The following SHROOM2 variants were observed in gnomAD, a reference collection of about 807,000 sequenced individuals.
The protein encoded by SHROOM2 is protein Shroom2.
Under a neutral mutation model 75.9 loss-of-function variants are expected in SHROOM2, and 33 were observed. The ratio of observed to expected loss-of-function variants is 0.43; its 90% CI spans 0.33 to 0.58. The LOEUF (loss-of-function observed/expected upper bound fraction) is 0.58, where lower values mean the gene tolerates loss of function less well. Among genes scored for constraint, SHROOM2 ranks in the 20% least tolerant of loss-of-function variants. The pLI is 0.04. For missense variants in SHROOM2, 1,434 were observed against 1,461.2 expected, an observed-to-expected ratio of 0.98 and a Z score of 0.30; for synonymous variants, 655 against 663.6, an observed-to-expected ratio of 0.99 and a Z score of 0.20.
chrX:9,895,659 C>T lies in SHROOM2; in HGVS notation c.1751C>T (p.Thr584Met), dbSNP rs1288927601. The T allele has an allele frequency of 6.0e-6, 7 of 1,169,221 alleles. No individual in the cohort carries two copies. Among genetic ancestry groups the T allele is most frequent in the African/African-American group, 1.8e-5 (1 of 56,511 alleles). Residue 584 changes from threonine to methionine, a missense_variant, in exon 4 of 10, where the codon ACG becomes ATG. Physicochemically the swap from Thr to Met is moderately conservative, Grantham distance 81 (BLOSUM62 -1). This residue lies in a region of SHROOM2 where 1,340 missense variants were observed against 1,338.3 expected (regional missense o/e 1.00). Transcript: ENST00000380913. ...AGCAGCAGGATCTGCCCGCAGGAGA[C>T]GCCCCTGTTGCACTCCCTGACCCAG... ...GESSRICPQETPLLHSLTQEG... is the reference protein window; with the variant it reads ...GESSRICPQEMPLLHSLTQEG...
intron 1 of SHROOM2, among the ~76,000 whole-genome samples, chrX:9,868,526 G>A (rs1445742523): frequency 9.2e-6 from 1 of 109,171 alleles, no homozygotes; most frequent in Non-Finnish European, 1.9e-5. Flanking sequence ...TTACAAGCGT[G>A]AGCCACCGTG....
intron 1 of SHROOM2, among the ~76,000 whole-genome samples, chrX:9,812,379 A>G (rs1393465135): frequency 8.9e-6 from 1 of 111,885 alleles, no homozygotes; most frequent in African/African-American, 3.2e-5. Context: ...GTCACTCGAT[A>G]AATGGGTTGG....
chrX:9,944,357 C>T, intron 8 of SHROOM2, among the ~76,000 whole-genome samples: 1 of 111,809 alleles, frequency 8.9e-6, no homozygotes, highest in East Asian at 2.8e-4. Flanking sequence ...CTGCATCTAC[C>T]ATGACGAGCA....
chrX:9,823,688 G>A (rs1346069455), intron 1 of SHROOM2, among the ~76,000 whole-genome samples: 3 of 109,997 alleles, frequency 2.7e-5, no homozygotes, highest in African/African-American at 6.6e-5. Flanking sequence ...TTTGTTTTTG[G>A]TAATAATCAT....
chrX:9,946,777 C>T lies in SHROOM2; in HGVS notation c.4691C>T (p.Ala1564Val). 2 of 1,205,179 alleles carry T rather than the reference C, an allele frequency of 1.7e-6. No individual in the cohort carries two copies. The highest frequency in any genetic ancestry group is 2.2e-6 in the Non-Finnish European group (2 of 891,890). Reference sequence around the variant, plus strand: ...GAGCGCATCGTCTTTGACATTTTGGCCAACTATCTGAGCGAGGAGAGCCTC... The same window carrying T: ...GAGCGCATCGTCTTTGACATTTTGGTCAACTATCTGAGCGAGGAGAGCCTC... ...RRERIVFDIL[A>V]NYLSEESLAD... Residue 1564 changes from alanine to valine, a missense_variant, in exon 10 of 10, where the codon GCC becomes GTC. Ala to Val is a moderately conservative substitution (Grantham distance 64). Around this residue, in one of 3 missense-constraint regions of SHROOM2, gnomAD observed 80 missense variants for 88.4 expected, o/e 0.90. Coordinates refer to ENST00000380913, the MANE Select transcript of SHROOM2 (RefSeq NM_001649.4).
intron 3 of SHROOM2, among the ~76,000 whole-genome samples, chrX:9,893,858 G>A (rs183285823): frequency 1.8e-5 from 2 of 108,931 alleles, no homozygotes; most frequent in East Asian, 5.8e-4. Flanking sequence ...GGAGGCTGAG[G>A]CAGGAGAATC....
At chrX:9,917,086 C>G (rs1278723782) in intron 5 of SHROOM2, among the ~76,000 whole-genome samples, 1 of 111,324 alleles carries the variant, frequency 9.0e-6, no homozygotes, top group Non-Finnish European at 1.9e-5. Context: ...ACATCCATCT[C>G]GGAAGGCTGG....
At chrX:9,821,927 T>C (rs866023902) in intron 1 of SHROOM2, among the ~76,000 whole-genome samples, 3 of 112,080 alleles carry the variant, frequency 2.7e-5, no homozygotes, top group African/African-American at 9.7e-5. Context: ...TTTTATCGTA[T>C]GTGAGTTATA....
chrX:9,894,500 G>C lies in SHROOM2; in HGVS notation c.592G>C (p.Asp198His). 3.3e-6 allele frequency: 4 copies of C among 1,210,481 alleles called. No individual in the cohort carries two copies. Among genetic ancestry groups the C allele is most frequent in the Non-Finnish European group, 4.5e-6 (4 of 895,303 alleles). The change falls in exon 4 of 10, where the codon GAC (aspartate) becomes CAC (histidine). Residue 198 changes from aspartate to histidine, a missense_variant. Coordinates refer to ENST00000380913, the MANE Select transcript of SHROOM2 (RefSeq NM_001649.4). Reference sequence around the variant, plus strand: ...GGTGGCCAAGTCCAACAGCAGCATCGACCACCTGGGCAGCCACAGCAAGCG... The same window carrying C: ...GGTGGCCAAGTCCAACAGCAGCATCCACCACCTGGGCAGCCACAGCAAGCG... ...LSVAKSNSSI[D>H]HLGSHSKRDS...
intron 1 of SHROOM2, among the ~76,000 whole-genome samples, chrX:9,792,940 C>G (rs896524421): frequency 1.8e-5 from 2 of 111,414 alleles, no homozygotes; most frequent in African/African-American, 6.5e-5. Flanking sequence ...TAACTCCTGA[C>G]CTCAAGTGAA....
chrX:9,794,206 A>G (rs1179927944), intron 1 of SHROOM2, among the ~76,000 whole-genome samples: 1 of 111,646 alleles, frequency 9.0e-6, no homozygotes, highest in Non-Finnish European at 1.9e-5. Context: ...GTTCTGAGAA[A>G]CTGCTAACCA....
Position 9,896,166 on chromosome X carries a change from G to T in SHROOM2, c.2258G>T (p.Arg753Leu). 1 of 1,209,899 alleles carries T rather than the reference G, an allele frequency of 8.3e-7. No individual in the cohort carries two copies. The highest frequency in any genetic ancestry group is 1.1e-6 in the Non-Finnish European group (1 of 894,844). The change falls in exon 4 of 10, where the codon CGG becomes CTG. Residue 753 changes from arginine to leucine, a missense_variant. Physicochemically the swap from Arg to Leu is moderately radical, Grantham distance 102. Transcript: ENST00000380913. Reference protein sequence around the residue: ...PHPPRIGGRRRFTAEQKLKSY... With the variant: ...PHPPRIGGRRLFTAEQKLKSY... Reference sequence around the variant, plus strand: ...CCGCCCCGCATCGGAGGCCGGAGACGGTTCACAGCTGAGCAGAAATTGAAG... The same window carrying T: ...CCGCCCCGCATCGGAGGCCGGAGACTGTTCACAGCTGAGCAGAAATTGAAG...
chrX:9,939,349 G>A lies in SHROOM2; in HGVS notation c.4294G>A (p.Asp1432Asn), dbSNP rs774278456. The A allele has an allele frequency of 1.1e-4, 134 of 1,204,382 alleles. No individual in the cohort carries two copies. The highest frequency in any genetic ancestry group is 2.3e-4 in the Middle Eastern group (1 of 4,343). The change falls in exon 8 of 10, where the codon GAC (aspartate) becomes AAC (asparagine). Residue 1432 changes from aspartate (D) to asparagine (N), a missense_variant. Coordinates refer to ENST00000380913, the MANE Select transcript of SHROOM2 (RefSeq NM_001649.4). ...EEDSGSDLDHDLSVKKQELIE... is the reference protein window; with the variant it reads ...EEDSGSDLDHNLSVKKQELIE... Reference sequence around the variant, plus strand: ...GGATTCGGGAAGCGACTTGGACCACGACCTGTCGGTGAAGAAGGTAGGAGA... The same window carrying A: ...GGATTCGGGAAGCGACTTGGACCACAACCTGTCGGTGAAGAAGGTAGGAGA...
chrX:9,887,834 C>T (rs2084269202), intron 2 of SHROOM2, among the ~76,000 whole-genome samples: 1 of 112,968 alleles, frequency 8.9e-6, no homozygotes. Context: ...TCCTGCCATG[C>T]AGCTGAGATG....
intron 2 of SHROOM2, among the ~76,000 whole-genome samples, chrX:9,887,948 C>T (rs1962997623): frequency 8.8e-6 from 1 of 113,344 alleles, no homozygotes; most frequent in African/African-American, 3.2e-5. Context: ...CCATTGAGCA[C>T]TCGCAATGTG....
chrX:9,920,531 C>T (rs769493200), intron 5 of SHROOM2, among the ~76,000 whole-genome samples: 1 of 112,130 alleles, frequency 8.9e-6, no homozygotes, highest in Non-Finnish European at 1.9e-5. Flanking sequence ...ATTACACAAC[C>T]CAGATGCTTC....
intron 8 of SHROOM2, among the ~76,000 whole-genome samples, chrX:9,944,359 T>C (rs1392306723): frequency 8.9e-6 from 1 of 111,885 alleles, no homozygotes; most frequent in Admixed American, 9.5e-5. Flanking sequence ...GCATCTACCA[T>C]GACGAGCATC....
chrX:9,814,795 C>T (rs1181141531), intron 1 of SHROOM2, among the ~76,000 whole-genome samples: 2 of 111,816 alleles, frequency 1.8e-5, no homozygotes, highest in African/African-American at 6.5e-5. Context: ...CCTCACCGTC[C>T]CCATTCCAAG....
intron 5 of SHROOM2, among the ~76,000 whole-genome samples, chrX:9,915,282 G>T (rs955111177): frequency 7.2e-5 from 8 of 111,181 alleles, no homozygotes; most frequent in Non-Finnish European, 1.3e-4. Flanking sequence ...CAGCTCTGTG[G>T]GGTGATTTGT....
Sources: allele counts gnomAD v4.1 joint callset (sites outside exome capture counted in the v4.1 genomes callset), GRCh38; gene constraint gnomAD v4.1.1; regional missense constraint gnomAD v4.1.1; transcripts MANE v1.5; gene names NCBI Gene and HGNC (gene_info 2026-07-23, HGNC 2026-07-21).